The following GANAB variants were observed in gnomAD, a reference collection of about 807,000 sequenced individuals.
The protein encoded by GANAB is neutral alpha-glucosidase AB.
In GANAB, 35 loss-of-function variants were observed where a neutral mutation model predicts 129.9. The ratio of observed to expected loss-of-function variants is 0.27; its 90% confidence interval spans 0.21 to 0.36. GANAB has a LOEUF of 0.36. Among genes scored for constraint, GANAB ranks in the 10% least tolerant of loss-of-function variants. The pLI, the probability that GANAB is intolerant of heterozygous loss-of-function variation, is 1.00. For missense variants in GANAB, 939 were observed against 1,221.0 expected, an observed-to-expected ratio of 0.77 and a Z score of 3.44; for synonymous variants, 482 against 451.8, an observed-to-expected ratio of 1.07 and a Z score of -0.85.
chr11:62,634,068 C>G, intron 5 of GANAB: 1 of 481,560 alleles, frequency 2.1e-6, no homozygotes, highest in Admixed American at 3.7e-5. Context: ...CAGCATCTCT[C>G]CATCCCCTGG....
chr11:62,631,096 T>C lies in GANAB; in HGVS notation c.1084A>G (p.Ile362Val). ...DVRWMSETGI[I>V]DVFLLLGPSI... Reference sequence around the variant, plus strand: ...GGCCCCAGCAGCAGGAAGACGTCAATGATGCCAGTCTCTGACATCCAGCGA... The same window carrying C: ...GGCCCCAGCAGCAGGAAGACGTCAACGATGCCAGTCTCTGACATCCAGCGA... Residue 362 changes from isoleucine to valine, a missense_variant, in exon 10 of 24, where the codon ATT becomes GTT. Ile to Val is a conservative substitution (Grantham distance 29). Around this residue, in one of 5 missense-constraint regions of GANAB, gnomAD observed 220 missense variants for 295.9 expected, o/e 0.74. Transcript: ENST00000356638. The C allele has an allele frequency of 6.2e-7, 1 of 1,612,310 alleles. No homozygotes were observed. Among genetic ancestry groups the C allele is most frequent in the South Asian group, 1.1e-5 (1 of 91,066 alleles).
intron 1 of GANAB, 102 bp downstream of exon 1, chr11:62,646,460 C>G: frequency 7.4e-7 from 1 of 1,348,676 alleles, no homozygotes; most frequent in Non-Finnish European, 1.1e-6. Flanking sequence ...CCTCACGAGG[C>G]CGGGGGTGGC....
At chr11:62,636,458 A>T (rs180965292) in intron 4 of GANAB, among the ~76,000 whole-genome samples, 3 of 152,088 alleles carry the variant, frequency 2.0e-5, no homozygotes, top group Non-Finnish European at 4.4e-5. Flanking sequence ...AAAATTAGCC[A>T]GTCTCATAAC....
At chr11:62,628,405 G>C (rs898256337) in intron 17 of GANAB, among the ~76,000 whole-genome samples, 1 of 151,694 alleles carries the variant, frequency 6.6e-6, no homozygotes, top group African/African-American at 2.4e-5. Context: ...TAGAGATGGG[G>C]TTTTGCCATG....
At position 62,646,600 on chromosome 11, in the gene GANAB, C is replaced by T. The variant is rs771244942; in HGVS notation, c.-1G>A. On this transcript the variant is annotated 5_prime_UTR_variant, in exon 1 of 24. Coordinates refer to ENST00000356638, the MANE Select transcript of GANAB (RefSeq NM_198334.3). ...CCGCCACTGCCGCTACCGCCGCCATCTTGTGCAGAGTTTGCTCCTTGACCC... is the reference window on the plus strand; with the variant it reads ...CCGCCACTGCCGCTACCGCCGCCATTTTGTGCAGAGTTTGCTCCTTGACCC... The T allele has an allele frequency of 2.5e-6, 4 of 1,613,942 alleles. No homozygotes were observed. Among genetic ancestry groups the T allele is most frequent in the Non-Finnish European group, 3.4e-6 (4 of 1,179,996 alleles).
intron 1 of GANAB, among the ~76,000 whole-genome samples, chr11:62,641,060 C>CGGGCGCAGTGGCTCAT (rs1430550929): frequency 2.6e-5 from 4 of 151,784 alleles, no homozygotes; most frequent in Non-Finnish European, 5.9e-5. Flanking sequence ...ACATGAAGGC[C>CGGGCGCAGTGGCTCAT]GGGCGCAGTG....
chr11:62,645,274 C>T (rs1944428226), intron 1 of GANAB, among the ~76,000 whole-genome samples: 1 of 152,170 alleles, frequency 6.6e-6, no homozygotes, highest in Non-Finnish European at 1.5e-5. Flanking sequence ...CGGTGGCTCA[C>T]GCCTGTAATC....
chr11:62,634,717 C>A (rs207471976), intron 5 of GANAB, 104 bp downstream of exon 5: 1 of 948,910 alleles, frequency 1.1e-6, no homozygotes, highest in Non-Finnish European at 1.6e-6. Context: ...AGCCCCCAGG[C>A]CCTACCTGGC....
rs76572368 is a variant in GANAB, at chr11:62,629,642, T to C, written c.1780A>G (p.Met594Val). The change falls in exon 15 of 24, where the codon ATG (methionine) becomes GTG (valine). Residue 594 changes from methionine (M) to valine (V), a missense_variant. Coordinates refer to ENST00000356638, the MANE Select transcript of GANAB (RefSeq NM_198334.3). ...CTGGCCAGGACAAAGGGGCGTTCCA[T>C]GCCCCCAGAGCGCTGTCTCAGCCCA... Reference protein sequence around the residue: ...ADGLRQRSGGMERPFVLARAF... With the variant: ...ADGLRQRSGGVERPFVLARAF... 60,596 of 1,612,896 alleles carry C rather than the reference T, an allele frequency of 0.038. 1,337 individuals are homozygous for C. The highest frequency in any genetic ancestry group is 0.045 in the Non-Finnish European group (52,635 of 1,179,302).
At position 62,634,255 on chromosome 11, in the gene GANAB, T is replaced by C. The variant is rs538569223; in HGVS notation, c.560+566A>G. On this transcript the variant is annotated intron_variant, in intron 5 of 23. Transcript: ENST00000356638. ...GGGCACCTCCCCCCAAAGGCTAGAG[T>C]GAGGAATGGGTAAGGGCAGAGGAAC... 2.5e-6 allele frequency: 3 copies of C among 1,200,046 alleles called. No homozygotes were observed. The South Asian group carries it at 3.6e-5, about 15-fold the overall frequency. 74.3% of individuals were successfully genotyped at this position (1,200,046 alleles called of 1,614,324 possible).
Position 62,639,086 on chromosome 11 carries a change from C to T in GANAB, c.277G>A (p.Gly93Arg). ...TKVLLVLELQ[G>R]LQKNMTRFRI... ...AACCGAGTCATGTTCTTTTGAAGCC[C>T]CTGAAGCTCTAGCACCAGCAACACC... is the stretch of plus-strand genomic sequence containing the variant. Residue 93 changes from glycine (G) to arginine (R), a missense_variant, in exon 4 of 24, where the codon GGG becomes AGG. Around this residue, in one of 5 missense-constraint regions of GANAB, gnomAD observed 321 missense variants for 329.1 expected, o/e 0.98. Coordinates refer to ENST00000356638, the MANE Select transcript of GANAB (RefSeq NM_198334.3). 1 of 1,613,968 alleles carries T rather than the reference C, an allele frequency of 6.2e-7. No homozygotes were observed. The highest frequency in any genetic ancestry group is 2.2e-5 in the East Asian group (1 of 44,872).
chr11:62,634,973 G>A lies in GANAB; in HGVS notation c.408C>T (p.Asn136=), dbSNP rs1384074903. The change falls in exon 5 of 24, where the codon AAC becomes AAT. Residue 136 remains asparagine, a synonymous_variant. Transcript: ENST00000356638. ...ARLSVSGRDE[N]SVELTMAEGP... ...CCTCAGCCATGGTTAACTCCACACT[G>A]TTCTCATCACGACCAGAGACAGAAA... The A allele has an allele frequency of 7.4e-6, 12 of 1,612,876 alleles. No individual in the cohort carries two copies. The highest frequency in any genetic ancestry group is 1.0e-5 in the Non-Finnish European group (12 of 1,179,158).
intron 1 of GANAB, 143 bp downstream of exon 1, chr11:62,646,419 G>T: frequency 1.1e-6 from 1 of 938,560 alleles, no homozygotes; most frequent in Non-Finnish European, 1.7e-6. Context: ...GACCGGAGGC[G>T]TCTGAGGCCG....
chr11:62,643,857 C>G (rs767437390), intron 1 of GANAB, among the ~76,000 whole-genome samples: 2 of 152,206 alleles, frequency 1.3e-5, no homozygotes, highest in African/African-American at 4.8e-5. Flanking sequence ...TCTTGAACTT[C>G]TAGGCTAAAG....
chr11:62,635,426 C>T (rs1023219084), intron 4 of GANAB, among the ~76,000 whole-genome samples: 4 of 151,754 alleles, frequency 2.6e-5, no homozygotes, highest in Non-Finnish European at 4.4e-5. Context: ...GTGATCCACC[C>T]ACCTCGGCCT....
chr11:62,633,701 G>T, intron 5 of GANAB, 187 bp from the exon 6 acceptor site: 2 of 607,656 alleles, frequency 3.3e-6, no homozygotes, highest in Non-Finnish European at 5.9e-6. Flanking sequence ...GATGGGGAGA[G>T]AAATGAGAAA....
chr11:62,627,223 T>A (rs1434479105), intron 18 of GANAB, 66 bp downstream of exon 18: 2 of 1,377,940 alleles, frequency 1.5e-6, no homozygotes, highest in East Asian at 4.6e-5. Flanking sequence ...CACTAGTCCC[T>A]CCCTGGGCAT....
chr11:62,627,905 G>A (rs1046406450), intron 17 of GANAB, among the ~76,000 whole-genome samples: 1 of 152,232 alleles, frequency 6.6e-6, no homozygotes, highest in African/African-American at 2.4e-5. Context: ...ATGCTGCACA[G>A]CAGCCTGCCA....
intron 1 of GANAB, 49 bp downstream of exon 1, chr11:62,646,513 G>T: frequency 1.9e-6 from 3 of 1,599,406 alleles, no homozygotes; most frequent in Non-Finnish European, 2.6e-6. Context: ...ATGGGACTTG[G>T]GGGATCTGGG....
Sources: gnomAD v4.1 joint callset for allele counts (sites outside exome capture counted in the v4.1 genomes callset) on GRCh38, gnomAD v4.1.1 for gene constraint, gnomAD v4.1.1 regional missense constraint, MANE v1.5 for transcripts, NCBI Gene and HGNC (gene_info 2026-07-23, HGNC 2026-07-21) for gene names.